SLC24A3: variants seen among roughly 807,000 people sequenced by gnomAD.
The protein encoded by SLC24A3 is solute carrier family 24 member 3.
SLC24A3 carries 28 observed loss-of-function variants against 75.8 expected under a neutral mutation model. The ratio of observed to expected loss-of-function variants is 0.37; its 90% confidence interval spans 0.27 to 0.51. The LOEUF is 0.51. Ranked by LOEUF, SLC24A3 falls within the 20% of genes least tolerant of loss-of-function variation. The pLI is 0.94. For missense variants in SLC24A3, 663 were observed against 847.8 expected (o/e 0.78, Z 2.71); for synonymous variants, 372 against 334.1 (o/e 1.11, Z -1.24).
At chr20:19,320,406 G>T (rs1227921048) in intron 2 of SLC24A3, among the ~76,000 whole-genome samples, 1 of 152,050 alleles carries the variant, frequency 6.6e-6, no homozygotes, top group African/African-American at 2.4e-5. Context: ...TTGGGCATCT[G>T]CTCATTTTTC....
At chr20:19,452,579 G>C (rs1402820460) in intron 2 of SLC24A3, among the ~76,000 whole-genome samples, 1 of 152,086 alleles carries the variant, frequency 6.6e-6, no homozygotes, top group Non-Finnish European at 1.5e-5. Flanking sequence ...TTCTATAAGA[G>C]GCCTGTGGGG....
At chr20:19,309,099 C>G (rs1246480525) in intron 2 of SLC24A3, among the ~76,000 whole-genome samples, 1 of 152,206 alleles carries the variant, frequency 6.6e-6, no homozygotes, top group Admixed American at 6.5e-5. Flanking sequence ...ACTGTGTCCA[C>G]TGTCACTTCC....
At position 19,721,144 on chromosome 20, in the gene SLC24A3, G is replaced by C. The variant is rs776533344; in HGVS notation, c.*4G>C. 2.5e-6 allele frequency: 4 copies of C among 1,613,636 alleles called. No individual in the cohort carries two copies. In the African/African-American group the frequency reaches 4.0e-5, roughly 16 times the overall value. On this transcript the variant is annotated 3_prime_UTR_variant, in exon 17 of 17. Coordinates refer to ENST00000328041, the MANE Select transcript of SLC24A3 (RefSeq NM_020689.4). ...GCCCATGTGCGGGGACCACTGAGCCGCCGGGTGCCCACAGAGGCTCAGCTC... is the reference window on the plus strand; with the variant it reads ...GCCCATGTGCGGGGACCACTGAGCCCCCGGGTGCCCACAGAGGCTCAGCTC...
rs141083277 is a variant in SLC24A3 at position 19,555,590 on chromosome 20, G to A, written c.349-24410G>A. ...ATCTGCTTCTGCTGTAATGGCACCA[G>A]TGACTTGTTCCTTCCCCACTGAGAA... On this transcript the variant is annotated intron_variant, in intron 3 of 16. Coordinates refer to ENST00000328041, the MANE Select transcript of SLC24A3 (RefSeq NM_020689.4). 6.3e-3 allele frequency among the ~76,000 whole-genome samples: 961 copies of A among 152,274 alleles called. 7 individuals are homozygous for A. Among genetic ancestry groups the A allele is most frequent in the Middle Eastern group, 0.031 (9 of 292 alleles).
At chr20:19,347,331 A>G (rs1395375167) in intron 2 of SLC24A3, among the ~76,000 whole-genome samples, 2 of 152,212 alleles carry the variant, frequency 1.3e-5, no homozygotes, top group African/African-American at 4.8e-5. Flanking sequence ...CAAAACTCAT[A>G]AAATGTAGAA....
At chr20:19,631,557 T>C (rs2031933854) in intron 6 of SLC24A3, among the ~76,000 whole-genome samples, 1 of 152,204 alleles carries the variant, frequency 6.6e-6, no homozygotes, top group Non-Finnish European at 1.5e-5. Flanking sequence ...ACATCTACCC[T>C]ATCAGTTGTT....
At chr20:19,350,203 A>T (rs1236332512) in intron 2 of SLC24A3, among the ~76,000 whole-genome samples, 1 of 152,186 alleles carries the variant, frequency 6.6e-6, no homozygotes, top group African/African-American at 2.4e-5. Context: ...TAACTTTTTT[A>T]TGTGATATTT....
intron 6 of SLC24A3, among the ~76,000 whole-genome samples, chr20:19,640,407 T>G (rs1893224732): frequency 6.6e-6 from 1 of 152,196 alleles, no homozygotes; most frequent in Non-Finnish European, 1.5e-5. Context: ...TTTACTTTTA[T>G]TTTATACTCA....
intron 1 of SLC24A3, among the ~76,000 whole-genome samples, chr20:19,276,394 C>A (rs1448634357): frequency 6.6e-6 from 1 of 152,176 alleles, no homozygotes; most frequent in Non-Finnish European, 1.5e-5. Flanking sequence ...GGGATATGTT[C>A]TGAGAAATGC....
At chr20:19,246,185 A>G (rs561087825) in intron 1 of SLC24A3, among the ~76,000 whole-genome samples, 13 of 152,288 alleles carry the variant, frequency 8.5e-5, no homozygotes, top group African/African-American at 3.1e-4. Flanking sequence ...AATATTGTAT[A>G]TATTATCTTA....
At chr20:19,326,115 G>T (rs540926511) in intron 2 of SLC24A3, among the ~76,000 whole-genome samples, 42 of 152,112 alleles carry the variant, frequency 2.8e-4, no homozygotes, top group African/African-American at 1.0e-3. Context: ...CTCTGAGTGT[G>T]TTGTTCTGCC....
intron 2 of SLC24A3, among the ~76,000 whole-genome samples, chr20:19,406,846 G>C (rs532111242): frequency 6.6e-6 from 1 of 152,272 alleles, no homozygotes; most frequent in South Asian, 2.1e-4. Flanking sequence ...TTGTAAGTTA[G>C]AGAAATATTG....
chr20:19,566,303 C>T (rs2030956694), intron 3 of SLC24A3, among the ~76,000 whole-genome samples: 1 of 152,228 alleles, frequency 6.6e-6, no homozygotes, highest in African/African-American at 2.4e-5. Context: ...CCACACTAAG[C>T]ACGTATTCTC....
chr20:19,295,925 A>G (rs1984049455), intron 2 of SLC24A3, among the ~76,000 whole-genome samples: 1 of 152,192 alleles, frequency 6.6e-6, no homozygotes, highest in African/African-American at 2.4e-5. Context: ...TAGTTTCAGA[A>G]GAAATGGTAC....
At chr20:19,343,814 C>T (rs915155435) in intron 2 of SLC24A3, among the ~76,000 whole-genome samples, 9 of 151,958 alleles carry the variant, frequency 5.9e-5, no homozygotes, top group Non-Finnish European at 1.2e-4. Flanking sequence ...CCTTATGGAC[C>T]AGTTGGTAGG....
At chr20:19,513,575 A>C (rs1321278351) in intron 2 of SLC24A3, among the ~76,000 whole-genome samples, 2 of 152,058 alleles carry the variant, frequency 1.3e-5, no homozygotes, top group Non-Finnish European at 2.9e-5. Flanking sequence ...CATTGTTCAG[A>C]GGGGCTCTGT....
At chr20:19,658,877 G>C (rs1052641493) in intron 7 of SLC24A3, among the ~76,000 whole-genome samples, 26 of 152,248 alleles carry the variant, frequency 1.7e-4, no homozygotes, top group African/African-American at 5.5e-4. Flanking sequence ...TCAACTCTGG[G>C]TATCTCCGGC....
At chr20:19,504,323 G>T (rs1409896333) in intron 2 of SLC24A3, among the ~76,000 whole-genome samples, 4 of 152,066 alleles carry the variant, frequency 2.6e-5, no homozygotes, top group African/African-American at 9.7e-5. Flanking sequence ...TTCCACCTCT[G>T]GAATTTAATG....
intron 2 of SLC24A3, among the ~76,000 whole-genome samples, chr20:19,433,639 T>C (rs1283065229): frequency 6.6e-6 from 1 of 152,010 alleles, no homozygotes; most frequent in African/African-American, 2.4e-5. Flanking sequence ...TTTGAAAAAA[T>C]ATAAAGTATT....
Sources: gnomAD v4.1 joint callset for allele counts (sites outside exome capture counted in the v4.1 genomes callset) on GRCh38, gnomAD v4.1.1 for gene constraint, MANE v1.5 for transcripts, NCBI Gene and HGNC (gene_info 2026-07-23, HGNC 2026-07-21) for gene names.